Variants in ADGRE2 observed in about 807,000 individuals in gnomAD.
The protein encoded by ADGRE2 is adhesion G protein-coupled receptor E2.
Under a neutral mutation model 100.8 loss-of-function variants are expected in ADGRE2, and 83 were observed. The observed-to-expected ratio is 0.82, with a 90% CI of 0.69 to 0.99. ADGRE2 has a LOEUF of 0.99. ADGRE2 is among the 50% of genes least tolerant of loss of function. The pLI is 0.00. For synonymous variants in ADGRE2, 355 were observed against 413.0 expected (o/e 0.86, Z 1.70); for missense variants, 814 against 1,035.7 (o/e 0.79, Z 2.94).
rs111639277 is a variant in ADGRE2, at chr19:14,766,497, C to T, written c.488-116G>A. 1,832 of 1,315,112 alleles carry T rather than the reference C, an allele frequency of 1.4e-3. 30 individuals are homozygous for T. The African/African-American group carries it at 0.024, about 17-fold the overall frequency. 81.5% of individuals were successfully genotyped at this position (1,315,112 alleles called of 1,614,324 possible). A position where few individuals can be genotyped will look rare whatever the true frequency, so the allele number is the denominator to read the frequency against. ...CCTCAGACTGAAGACCATTATTGCA[C>T]GTGCCACCACTTGGTGACCTTCAAC... is the stretch of plus-strand genomic sequence containing the variant. On this transcript the variant is annotated intron_variant, in intron 6 of 20. Coordinates refer to ENST00000315576, the MANE Select transcript of ADGRE2 (RefSeq NM_013447.4).
At position 14,776,840 on chromosome 19, in the gene ADGRE2, G is replaced by A. The variant is rs1344104399; in HGVS notation, c.-84C>T. On this transcript the variant is annotated 5_prime_UTR_variant, in exon 2 of 21. Coordinates refer to ENST00000315576, the MANE Select transcript of ADGRE2 (RefSeq NM_013447.4). ...TCCCGTCTCCGCAGGCTGGGCAGCT[G>A]TGCGGGCTGTCCCGAGGCCAGGACT... 8 of 1,590,866 alleles carry A rather than the reference G, an allele frequency of 5.0e-6. No homozygotes were observed. The Admixed American group carries it at 1.2e-4, about 25-fold the overall frequency.
At chr19:14,764,942 G>C (rs987299578) in intron 10 of ADGRE2, among the ~76,000 whole-genome samples, 13 of 152,100 alleles carry the variant, frequency 8.5e-5, no homozygotes, top group African/African-American at 3.1e-4. Context: ...GCTTGAACCC[G>C]GGAGGCAGAG....
In ADGRE2 at chr19:14,778,349, C is replaced by A; in HGVS notation, c.-264G>T. On this transcript the variant is annotated 5_prime_UTR_variant, in exon 1 of 21. Transcript: ENST00000315576. ...ACCCGAGCTGGGGAGTTTGAGGCTG[C>A]GGTGAGCTAAGATGGTGCCACTGCA... is the stretch of plus-strand genomic sequence containing the variant. The A allele has an allele frequency of 4.4e-6, 1 of 226,984 alleles. No homozygotes were observed. The highest frequency in any genetic ancestry group is 7.3e-6 in the Non-Finnish European group (1 of 136,340). 14.1% of individuals were successfully genotyped at this position (226,984 alleles called of 1,614,324 possible). A position where few individuals can be genotyped will look rare whatever the true frequency, so the allele number is the denominator to read the frequency against.
chr19:14,746,099 G>T, intron 18 of ADGRE2, 133 bp downstream of exon 18: 1 of 646,164 alleles, frequency 1.5e-6, no homozygotes, highest in East Asian at 2.7e-5. Context: ...GCCATAGAAG[G>T]ATGGCTGCGT....
chr19:14,732,917 C>T lies in ADGRE2; in HGVS notation c.*3319G>A, dbSNP rs764094453. ...TAAATACCTGGCTCACAAAGCCTAA[C>T]ATATACACTATCAGGCTCTTTAAGA... is the stretch of plus-strand genomic sequence containing the variant. On this transcript the variant is annotated 3_prime_UTR_variant, in exon 21 of 21. Transcript: ENST00000315576. 2.0e-5 allele frequency: 3 copies of T among 152,204 alleles called. No homozygotes were observed. The highest frequency in any genetic ancestry group is 4.4e-5 in the Non-Finnish European group (3 of 68,042). The allele number at this position is 152,204 out of a possible 1,614,324, so 9.4% of individuals were successfully genotyped here.
intron 2 of ADGRE2, among the ~76,000 whole-genome samples, chr19:14,776,204 G>C (rs1490032041): frequency 6.6e-6 from 1 of 152,030 alleles, no homozygotes; most frequent in East Asian, 1.9e-4. Flanking sequence ...AGAGGCAGAG[G>C]TAGAGAGAAA....
At position 14,740,621 on chromosome 19, in the gene ADGRE2, C is replaced by CA. The variant is rs3057546; in HGVS notation, c.2463+2798dup. Among the ~76,000 whole-genome samples the CA allele has an allele frequency of 2.3e-3, 281 of 124,020 alleles. 3 individuals carry two copies. Among genetic ancestry groups the CA allele is most frequent in the East Asian group, 5.2e-3 (23 of 4,444 alleles). 81.4% of individuals were successfully genotyped at this position (124,020 alleles called of 152,430 possible). ...GGGTAATAAGAGCGAAACTCCGTCT[C>CA]AAAAAAAAAAAAAAAAGAAAAATAA... is the stretch of plus-strand genomic sequence containing the variant. On this transcript the variant is annotated intron_variant, in intron 20 of 20. Transcript: ENST00000315576.
At chr19:14,731,840 T>C (rs140328169), downstream of ADGRE2, 1 of 152,268 alleles carries the variant, frequency 6.6e-6, no homozygotes, top group African/African-American at 2.4e-5. Flanking sequence ...CCATCATAAA[T>C]AAAGAGAATG....
chr19:14,763,914 T>TCCTCCTCTTCCTCCTCC (rs1281487813), intron 11 of ADGRE2, among the ~76,000 whole-genome samples: 10 of 119,520 alleles, frequency 8.4e-5, no homozygotes, highest in Admixed American at 1.8e-4. Flanking sequence ...CCATCCTCTT[T>TCCTCCTCTTCCTCCTCC]CCTCCTCTTC....
chr19:14,777,204 G>A (rs942428419), intron 1 of ADGRE2: 4 of 496,330 alleles, frequency 8.1e-6, no homozygotes, highest in Middle Eastern at 1.0e-3. Context: ...GGGCAGGCAC[G>A]CAGGGGCCTT....
intron 4 of ADGRE2, 29 bp downstream of exon 4, chr19:14,773,909 T>TC: frequency 6.3e-7 from 1 of 1,596,780 alleles, no homozygotes; most frequent in Non-Finnish European, 8.6e-7. Context: ...ATCGCAGATG[T>TC]CCCCTGCGCT....
chr19:14,758,801 C>T (rs2043591578), intron 11 of ADGRE2, among the ~76,000 whole-genome samples: 1 of 145,582 alleles, frequency 6.9e-6, no homozygotes. Context: ...AGGAGAATGG[C>T]GTGACCCCGG....
rs2043238686 is a variant in ADGRE2 at position 14,750,192 on chromosome 19, A to ACATAATTATT, written c.2024+1243_2024+1244insAATAATTATG. ...CTATGTTATATAATTATTTATAGTT[A>ACATAATTATT]TATAATATTAATATATAAATTACAT... On this transcript the variant is annotated intron_variant, in intron 16 of 20. Coordinates refer to ENST00000315576, the MANE Select transcript of ADGRE2 (RefSeq NM_013447.4). Among the ~76,000 whole-genome samples the ACATAATTATT allele has an allele frequency of 2.5e-5, 3 of 119,404 alleles. 1 individual carries two copies. Among genetic ancestry groups the ACATAATTATT allele is most frequent in the South Asian group, 6.1e-4 (2 of 3,292 alleles). 78.3% of individuals were successfully genotyped at this position (119,404 alleles called of 152,430 possible).
At chr19:14,759,676 T>G (rs1421123979) in intron 11 of ADGRE2, among the ~76,000 whole-genome samples, 1 of 151,368 alleles carries the variant, frequency 6.6e-6, no homozygotes, top group Non-Finnish European at 1.5e-5. Context: ...TTTGTATTTT[T>G]AATAGCCAGG....
rs572926399 is a variant in ADGRE2 at position 14,776,837 on chromosome 19, G to A, written c.-81C>T. 5.2e-4 allele frequency: 820 copies of A among 1,590,852 alleles called. No individual in the cohort carries two copies. The highest frequency in any genetic ancestry group is 6.7e-4 in the Non-Finnish European group (783 of 1,168,844). Reference sequence around the variant, plus strand: ...CTGTCCCGTCTCCGCAGGCTGGGCAGCTGTGCGGGCTGTCCCGAGGCCAGG... The same window carrying A: ...CTGTCCCGTCTCCGCAGGCTGGGCAACTGTGCGGGCTGTCCCGAGGCCAGG... On this transcript the variant is annotated 5_prime_UTR_variant, in exon 2 of 21. Coordinates refer to ENST00000315576, the MANE Select transcript of ADGRE2 (RefSeq NM_013447.4).
intron 18 of ADGRE2, among the ~76,000 whole-genome samples, chr19:14,744,552 T>G (rs1344558210): frequency 6.6e-6 from 1 of 151,618 alleles, no homozygotes; most frequent in Non-Finnish European, 1.5e-5. Flanking sequence ...GCCTCCCAGG[T>G]GAAGTGACTC....
intron 2 of ADGRE2, among the ~76,000 whole-genome samples, chr19:14,775,235 C>A (rs2044392707): frequency 6.6e-6 from 1 of 152,024 alleles, no homozygotes; most frequent in Non-Finnish European, 1.5e-5. Flanking sequence ...GAACTCCTAA[C>A]CTCAGGTGAT....
intron 16 of ADGRE2, among the ~76,000 whole-genome samples, chr19:14,750,193 T>C (rs1386002294): frequency 8.4e-6 from 1 of 118,358 alleles, no homozygotes; most frequent in Non-Finnish European, 1.6e-5. Context: ...TTTATAGTTA[T>C]ATAATATTAA....
rs2043473098 is a variant in ADGRE2, at chr19:14,755,633, A to G, written c.1416+21T>C. On this transcript the variant is annotated intron_variant, in intron 13 of 20. Coordinates refer to ENST00000315576, the MANE Select transcript of ADGRE2 (RefSeq NM_013447.4). ...CCGGACTCAGACTATTCACCCACCA[A>G]CCAACTCCACCAGCACTCACACGGT... 1.9e-6 allele frequency: 3 copies of G among 1,610,272 alleles called. No homozygotes were observed. The African/African-American group carries it at 4.0e-5, about 21-fold the overall frequency.
Sources: gnomAD v4.1 joint callset for allele counts (sites outside exome capture counted in the v4.1 genomes callset) on GRCh38, gnomAD v4.1.1 for gene constraint, MANE v1.5 for transcripts, NCBI Gene and HGNC (gene_info 2026-07-23, HGNC 2026-07-21) for gene names.